ATRNL1: variants seen among roughly 807,000 people sequenced by gnomAD.
ATRNL1 encodes the protein attractin like 1.
A neutral mutation model predicts 182.7 loss-of-function variants in ATRNL1; 95 were observed. The observed-to-expected ratio is 0.52, with a 90% CI of 0.44 to 0.62. The LOEUF is 0.62. Among genes scored for constraint, ATRNL1 ranks in the 20% least tolerant of loss-of-function variants. The pLI is 0.00. For synonymous variants in ATRNL1, 576 were observed against 568.3 expected (o/e 1.01, Z -0.19); for missense variants, 1,471 against 1,679.5 (o/e 0.88, Z 2.17).
chr10:115,138,121 C>T (rs567911495), intron 5 of ATRNL1, among the ~76,000 whole-genome samples: 7 of 152,330 alleles, frequency 4.6e-5, no homozygotes, highest in African/African-American at 1.4e-4. Flanking sequence ...ATCCGGGTCA[C>T]GCTGATGCAA....
chr10:115,637,787 G>A (rs533518992), intron 26 of ATRNL1, among the ~76,000 whole-genome samples: 1 of 151,814 alleles, frequency 6.6e-6, no homozygotes, highest in African/African-American at 2.4e-5. Flanking sequence ...ACCACACCCA[G>A]CTAGTTTTTG....
intron 10 of ATRNL1, among the ~76,000 whole-genome samples, chr10:115,250,872 G>T (rs903036654): frequency 3.9e-5 from 6 of 152,108 alleles, no homozygotes; most frequent in Non-Finnish European, 8.8e-5. Flanking sequence ...TAATGTAGTA[G>T]AACAATGTAA....
At chr10:115,098,411 G>A (rs1395990286) in intron 1 of ATRNL1, among the ~76,000 whole-genome samples, 1 of 142,476 alleles carries the variant, frequency 7.0e-6, no homozygotes, top group African/African-American at 2.6e-5. Context: ...TTGCTTGGGT[G>A]ATTACTGATC....
chr10:115,647,151 A>G (rs1859682268), intron 26 of ATRNL1, among the ~76,000 whole-genome samples: 1 of 152,080 alleles, frequency 6.6e-6, no homozygotes, highest in African/African-American at 2.4e-5. Context: ...ATGGCTGCGT[A>G]GTATTCCATG....
At chr10:115,301,253 T>C (rs1554924370) in intron 16 of ATRNL1, among the ~76,000 whole-genome samples, 1 of 152,176 alleles carries the variant, frequency 6.6e-6, no homozygotes, top group Non-Finnish European at 1.5e-5. Flanking sequence ...TTGGGGTATA[T>C]ATATATAGCC....
intron 18 of ATRNL1, among the ~76,000 whole-genome samples, chr10:115,328,202 CA>C (rs1346353348): frequency 6.6e-6 from 1 of 151,860 alleles, no homozygotes; most frequent in Non-Finnish European, 1.5e-5. Flanking sequence ...TTATTATAGA[CA>C]ATTGGTAATA....
intron 8 of ATRNL1, among the ~76,000 whole-genome samples, chr10:115,172,821 A>G (rs1438308829): frequency 2.0e-5 from 3 of 149,154 alleles, no homozygotes; most frequent in Non-Finnish European, 4.5e-5. Context: ...TTTAAATTTC[A>G]TAATTACTGT....
intron 27 of ATRNL1, among the ~76,000 whole-genome samples, chr10:115,769,670 A>T (rs187368103): frequency 9.2e-5 from 14 of 152,274 alleles, no homozygotes; most frequent in Admixed American, 6.5e-4. Flanking sequence ...CAGATCTATC[A>T]TCTGATAACT....
intron 19 of ATRNL1, among the ~76,000 whole-genome samples, chr10:115,345,318 G>A (rs115602430): frequency 0.013 from 1,965 of 152,318 alleles, 38 homozygotes; most frequent in African/African-American, 0.044. Flanking sequence ...GTGCTGGTTT[G>A]TATGTGCCTT....
intron 10 of ATRNL1, among the ~76,000 whole-genome samples, chr10:115,247,934 CTG>C (rs782240745): frequency 3.9e-5 from 6 of 152,128 alleles, no homozygotes; most frequent in Non-Finnish European, 7.4e-5. Context: ...AAGTTAAACA[CTG>C]TATGTTTTCA....
At chr10:115,373,346 C>A (rs879974032) in intron 19 of ATRNL1, among the ~76,000 whole-genome samples, 8 of 151,806 alleles carry the variant, frequency 5.3e-5, no homozygotes, top group Non-Finnish European at 1.2e-4. Flanking sequence ...ATTTGGATAG[C>A]TTTTATTTCT....
intron 26 of ATRNL1, chr10:115,597,629 G>A (rs1414492447): frequency 2.3e-6 from 1 of 428,878 alleles, no homozygotes; most frequent in South Asian, 1.6e-5. Flanking sequence ...CTGGCGTGCA[G>A]TGTGGGGATC....
chr10:115,371,084 G>T (rs1470975372), intron 19 of ATRNL1, among the ~76,000 whole-genome samples: 1 of 152,168 alleles, frequency 6.6e-6, no homozygotes, highest in Non-Finnish European at 1.5e-5. Flanking sequence ...TGAGCCTGTG[G>T]GTACACAGAA....
chr10:115,432,603 G>C (rs1287064262), intron 21 of ATRNL1, among the ~76,000 whole-genome samples: 1 of 152,134 alleles, frequency 6.6e-6, no homozygotes, highest in Non-Finnish European at 1.5e-5. Flanking sequence ...AATTGAAAGT[G>C]ATATGTCAGC....
intron 27 of ATRNL1, among the ~76,000 whole-genome samples, chr10:115,843,130 A>G (rs1555097705): frequency 6.6e-6 from 1 of 152,028 alleles, no homozygotes; most frequent in Admixed American, 6.6e-5. Context: ...TGTGCAATGC[A>G]CTCTAGTAGT....
At chr10:115,512,709 G>A (rs782123565) in intron 24 of ATRNL1, among the ~76,000 whole-genome samples, 33 of 151,874 alleles carry the variant, frequency 2.2e-4, no homozygotes, top group Admixed American at 8.5e-4. Flanking sequence ...TTTAACTAAT[G>A]ATCAACCAGT....
intron 27 of ATRNL1, among the ~76,000 whole-genome samples, chr10:115,832,534 C>T (rs781847311): frequency 1.3e-5 from 2 of 152,178 alleles, no homozygotes; most frequent in Non-Finnish European, 2.9e-5. Context: ...TGAACTACAA[C>T]GTATGCGTCT....
At chr10:115,370,980 C>T (rs1564966884) in intron 19 of ATRNL1, among the ~76,000 whole-genome samples, 1 of 152,154 alleles carries the variant, frequency 6.6e-6, no homozygotes. Flanking sequence ...TGCATCCTAG[C>T]CGCTCCAGCC....
At chr10:115,737,922 G>T (rs1055707171) in intron 27 of ATRNL1, among the ~76,000 whole-genome samples, 8 of 151,780 alleles carry the variant, frequency 5.3e-5, no homozygotes, top group Non-Finnish European at 8.8e-5. Context: ...TATGCACTTG[G>T]CCAGTCCAAA....
Sources: gnomAD v4.1 joint callset for allele counts (sites outside exome capture counted in the v4.1 genomes callset) on GRCh38, gnomAD v4.1.1 for gene constraint, MANE v1.5 for transcripts, NCBI Gene and HGNC (gene_info 2026-07-23, HGNC 2026-07-21) for gene names.